Variants in CDH23 observed in about 807,000 individuals in gnomAD.
CDH23 encodes the protein cadherin related 23, also known as cadherin-23.
A neutral mutation model predicts 317.1 loss-of-function variants in CDH23; 189 were observed. That is an observed-to-expected ratio of 0.60 (90% CI 0.53 to 0.67). The LOEUF (loss-of-function observed/expected upper bound fraction) is 0.67. CDH23 is among the 30% of genes least tolerant of loss of function. CDH23 has a pLI of 0.00. For synonymous variants in CDH23, 1,839 were observed against 1,876.8 expected, an observed-to-expected ratio of 0.98 and a Z score of 0.52; for missense variants, 4,401 against 4,592.4, an observed-to-expected ratio of 0.96 and a Z score of 1.20.
intron 1 of CDH23, among the ~76,000 whole-genome samples, chr10:71,437,661 G>A (rs1026544816): frequency 6.6e-6 from 1 of 152,186 alleles, no homozygotes; most frequent in Non-Finnish European, 1.5e-5. Flanking sequence ...GCCCACTCTG[G>A]CCATGGTCAT....
Position 71,805,897 on chromosome 10 carries a change from C to T in CDH23, c.7964C>T (p.Thr2655Ile). ...NGAVRYSFLK[T>I]AGNRDWEFFI... ...GCGGTGCGCTACAGCTTCCTGAAGA[C>T]TGCGGGCAACCGGGACTGGGAGTTC... is the stretch of plus-strand genomic sequence containing the variant. The change falls in exon 56 of 70, where the codon ACT becomes ATT. Residue 2655 changes from threonine (T) to isoleucine (I), a missense_variant. This residue lies in a region of CDH23 where 1,144 missense variants were observed against 1,138.2 expected (regional missense o/e 1.01). Coordinates refer to ENST00000224721, the MANE Select transcript of CDH23 (RefSeq NM_022124.6). 1 of 1,613,742 alleles carries T rather than the reference C, an allele frequency of 6.2e-7. No homozygotes were observed. The highest frequency in any genetic ancestry group is 1.1e-5 in the South Asian group (1 of 90,982).
At chr10:71,672,583 A>G (rs1478536615) in intron 14 of CDH23, among the ~76,000 whole-genome samples, 1 of 152,210 alleles carries the variant, frequency 6.6e-6, no homozygotes, top group Non-Finnish European at 1.5e-5. Context: ...CAGCATCCGC[A>G]GCCTGGGCAG....
At chr10:71,432,461 G>A (rs1349296392) in intron 1 of CDH23, among the ~76,000 whole-genome samples, 2 of 150,932 alleles carry the variant, frequency 1.3e-5, no homozygotes, top group Non-Finnish European at 3.0e-5. Flanking sequence ...GTGAGAGCAT[G>A]TGAGTGTGTA....
chr10:71,476,079 G>A (rs890922702), intron 3 of CDH23, among the ~76,000 whole-genome samples: 1 of 152,198 alleles, frequency 6.6e-6, no homozygotes, highest in Non-Finnish European at 1.5e-5. Context: ...GGTTTGATGG[G>A]AGCTGAGGAT....
chr10:71,588,483 G>A (rs1255903257), intron 9 of CDH23, among the ~76,000 whole-genome samples: 1 of 152,050 alleles, frequency 6.6e-6, no homozygotes, highest in African/African-American at 2.4e-5. Flanking sequence ...CTAACACATA[G>A]TAGGCACACT....
chr10:71,553,347 C>A (rs1453616714), intron 6 of CDH23, among the ~76,000 whole-genome samples: 1 of 152,198 alleles, frequency 6.6e-6, no homozygotes, highest in Non-Finnish European at 1.5e-5. Context: ...TCCTCTGCAG[C>A]CCCGTTCGAA....
Position 71,732,191 on chromosome 10 carries a change from T to C in CDH23, c.3920T>C (p.Leu1307Pro). 1.2e-6 allele frequency: 2 copies of C among 1,613,946 alleles called. No individual in the cohort carries two copies. Among genetic ancestry groups the C allele is most frequent in the Non-Finnish European group, 1.7e-6 (2 of 1,179,834 alleles). ...GTCTACATCACTCTGCTCAACGAGC[T>C]GGACGAGGCCGTGCAGTTCTCCAAT... Reference protein sequence around the residue: ...CSVYITLLNELDEAVQFSNAS... With the variant: ...CSVYITLLNEPDEAVQFSNAS... Residue 1307 changes from leucine (L) to proline (P), a missense_variant, in exon 32 of 70, where the codon CTG becomes CCG. Leu to Pro is a moderately conservative substitution (Grantham distance 98). Around this residue, in one of 3 missense-constraint regions of CDH23, gnomAD observed 3,068 missense variants for 3,203.3 expected, o/e 0.96. Transcript: ENST00000224721.
chr10:71,808,440 A>G (rs957177872), intron 60 of CDH23, among the ~76,000 whole-genome samples: 2 of 151,852 alleles, frequency 1.3e-5, no homozygotes, highest in African/African-American at 2.4e-5. Context: ...TCTCCCTCCC[A>G]TAATATCTGC....
At chr10:71,407,969 A>G (rs1015077520) in intron 1 of CDH23, among the ~76,000 whole-genome samples, 6 of 152,238 alleles carry the variant, frequency 3.9e-5, no homozygotes, top group African/African-American at 1.4e-4. Flanking sequence ...AGTGCTCAGC[A>G]AAATGAGTTG....
chr10:71,708,137 G>C (rs1006085232), intron 26 of CDH23, among the ~76,000 whole-genome samples: 2 of 152,190 alleles, frequency 1.3e-5, no homozygotes, highest in African/African-American at 4.8e-5. Context: ...GGGAGTCAGA[G>C]TGTGTCCCTT....
chr10:71,421,877 G>A (rs1233337600), intron 1 of CDH23, among the ~76,000 whole-genome samples: 2 of 151,988 alleles, frequency 1.3e-5, no homozygotes, highest in Non-Finnish European at 2.9e-5. Flanking sequence ...TGTGGACACA[G>A]TGAACTAGGA....
Position 71,690,583 on chromosome 10 carries a change from A to G in CDH23, c.2175A>G (p.Ser725=). The change falls in exon 20 of 70, where the codon TCA becomes TCG. Residue 725 remains serine, a splice_region_variant and synonymous_variant. Transcript: ENST00000224721. ...GSTQFRINAR[S]GEITTTSLLD... is the part of the protein sequence containing the mutation. ...CCCAGTTTCGGATCAATGCCCGCTC[A>G]GGTGAGCCCCCCCACCCCAAGTACC... 1 of 1,586,994 alleles carries G rather than the reference A, an allele frequency of 6.3e-7. No individual in the cohort carries two copies. Among genetic ancestry groups the G allele is most frequent in the Non-Finnish European group, 8.6e-7 (1 of 1,165,190 alleles).
At chr10:71,511,330 A>T in intron 6 of CDH23, 118 bp downstream of exon 6, 1 of 943,948 alleles carries the variant, frequency 1.1e-6, no homozygotes, top group East Asian at 2.5e-5. Flanking sequence ...CCCAGACCTC[A>T]GCCCAGGTGC....
chr10:71,481,690 A>G (rs1473296833), intron 3 of CDH23, among the ~76,000 whole-genome samples: 1 of 152,194 alleles, frequency 6.6e-6, no homozygotes, highest in African/African-American at 2.4e-5. Flanking sequence ...GACGTGGCAA[A>G]TGGGAGCAAA....
chr10:71,632,916 A>C (rs1862083287), intron 11 of CDH23, among the ~76,000 whole-genome samples: 1 of 152,158 alleles, frequency 6.6e-6, no homozygotes, highest in South Asian at 2.1e-4. Context: ...ACAGCTATGG[A>C]GGCTGAGAAG....
At position 71,620,594 on chromosome 10, in the gene CDH23, C is replaced by T. The variant is rs1258402441; in HGVS notation, c.1134+3201C>T. ...CCCCACCCAGGCTCAGCCATTGGCA[C>T]ACCCGCTGCAGTCAGGGCACCCAAC... is the stretch of plus-strand genomic sequence containing the variant. On this transcript the variant is annotated intron_variant, in intron 11 of 69. Coordinates refer to ENST00000224721, the MANE Select transcript of CDH23 (RefSeq NM_022124.6). Among the ~76,000 whole-genome samples the T allele has an allele frequency of 5.3e-5, 8 of 152,224 alleles. 1 individual carries two copies. The highest frequency in any genetic ancestry group is 1.0e-4 in the Non-Finnish European group (7 of 68,024).
intron 9 of CDH23, among the ~76,000 whole-genome samples, chr10:71,612,528 A>G (rs1294359750): frequency 1.3e-5 from 2 of 152,230 alleles, no homozygotes; most frequent in Admixed American, 6.5e-5. Flanking sequence ...GATTTATAAG[A>G]AAAATCTCAC....
At chr10:71,621,643 C>T (rs1861470747) in intron 11 of CDH23, among the ~76,000 whole-genome samples, 1 of 152,178 alleles carries the variant, frequency 6.6e-6, no homozygotes, top group African/African-American at 2.4e-5. Flanking sequence ...GTCGAGGGAG[C>T]TGATGCAAAA....
chr10:71,497,922 C>T (rs546504974), intron 3 of CDH23, among the ~76,000 whole-genome samples: 1 of 152,298 alleles, frequency 6.6e-6, no homozygotes, highest in East Asian at 1.9e-4. Context: ...CTGTGTGCAT[C>T]GTGTGTCACT....
Sources: allele counts gnomAD v4.1 joint callset (sites outside exome capture counted in the v4.1 genomes callset), GRCh38; gene constraint gnomAD v4.1.1; regional missense constraint gnomAD v4.1.1; transcripts MANE v1.5; gene names NCBI Gene and HGNC (gene_info 2026-07-23, HGNC 2026-07-21).